CCNY: variants seen among roughly 807,000 people sequenced by gnomAD.
CCNY encodes cyclin-Y.
A neutral mutation model predicts 42.8 loss-of-function variants in CCNY; 19 were observed. The ratio of observed to expected loss-of-function variants is 0.44; its 90% confidence interval spans 0.31 to 0.65. The LOEUF is 0.65. Ranked by LOEUF, CCNY falls within the 30% of genes least tolerant of loss-of-function variation. CCNY has a pLI of 0.07. For missense variants in CCNY, 370 were observed against 437.3 expected, an observed-to-expected ratio of 0.85 and a Z score of 1.37; for synonymous variants, 165 against 162.7, an observed-to-expected ratio of 1.01 and a Z score of -0.11.
chr10:35,250,536 A>C lies in CCNY; in HGVS notation c.-99A>C, dbSNP rs538377800. On this transcript the variant is annotated 5_prime_UTR_variant, in exon 3 of 12. Coordinates refer to the CCNY transcript ENST00000374706. ...TCTCATTCTAGAACTGCCGGGTGAA[A>C]ATCTTTGGAAGAGAAGTTTGAGAAC... 26 of 152,364 alleles carry C rather than the reference A, an allele frequency of 1.7e-4. No homozygotes were observed. In the East Asian group the frequency reaches 1.9e-3, roughly 11 times the overall value. The allele number at this position is 152,364 out of a possible 1,614,324, so 9.4% of individuals were successfully genotyped here.
intron 1 of CCNY, among the ~76,000 whole-genome samples, chr10:35,367,318 A>G (rs894890803): frequency 2.0e-5 from 3 of 152,200 alleles, no homozygotes; most frequent in Admixed American, 1.3e-4. Context: ...GTGTTCCACC[A>G]TGCACTAGCT....
chr10:35,533,330 G>C (rs1383181016), intron 7 of CCNY, among the ~76,000 whole-genome samples: 1 of 152,064 alleles, frequency 6.6e-6, no homozygotes, highest in Admixed American at 6.6e-5. Context: ...CCTCTGTTCA[G>C]AACCTGTGGT....
intron 3 of CCNY, among the ~76,000 whole-genome samples, chr10:35,270,166 T>G (rs560827625): frequency 1.3e-5 from 2 of 152,126 alleles, no homozygotes; most frequent in Admixed American, 1.3e-4. Flanking sequence ...GAGCCCTTAC[T>G]CCAATTGCCC....
At position 35,336,585 on chromosome 10, in the gene CCNY, G is replaced by A. The variant is rs1451122384; in HGVS notation, c.-469G>A. ...CACGCCCGCTGCCCGCCCGCTCGTC[G>A]GCTAGTCCCGCCGTCCGGCGCGGAC... On this transcript the variant is annotated 5_prime_UTR_variant, in exon 1 of 10. Transcript: ENST00000374704. Among the ~76,000 whole-genome samples the A allele has an allele frequency of 1.3e-5, 2 of 148,594 alleles. No homozygotes were observed. Among genetic ancestry groups the A allele is most frequent in the Non-Finnish European group, 3.0e-5 (2 of 66,654 alleles).
intron 1 of CCNY, among the ~76,000 whole-genome samples, chr10:35,402,384 G>A (rs1238939730): frequency 1.3e-5 from 2 of 152,200 alleles, no homozygotes; most frequent in Non-Finnish European, 2.9e-5. Flanking sequence ...CAATTAGAAA[G>A]TGTCCAAAGG....
chr10:35,252,304 G>A (rs1336706653), intron 3 of CCNY, among the ~76,000 whole-genome samples: 1 of 152,092 alleles, frequency 6.6e-6, no homozygotes, highest in African/African-American at 2.4e-5. Flanking sequence ...GGTGGCTCAG[G>A]CCTGTAATCC....
intron 1 of CCNY, among the ~76,000 whole-genome samples, chr10:35,349,716 C>G (rs534397541): frequency 6.6e-6 from 1 of 152,246 alleles, no homozygotes; most frequent in South Asian, 2.1e-4. Context: ...CTATCCATTG[C>G]AGGATGTTTA....
intron 3 of CCNY, among the ~76,000 whole-genome samples, chr10:35,321,416 TA>T (rs1835820923): frequency 6.6e-6 from 1 of 152,156 alleles, no homozygotes; most frequent in African/African-American, 2.4e-5. Flanking sequence ...CTCACACCTA[TA>T]ATCCCAGCAC....
chr10:35,353,051 G>A (rs113153347), intron 1 of CCNY, among the ~76,000 whole-genome samples: 5 of 152,044 alleles, frequency 3.3e-5, no homozygotes, highest in African/African-American at 1.2e-4. Context: ...TTAGCCTCCC[G>A]AGTAGCTGGG....
chr10:35,344,206 A>G (rs1836248958), intron 1 of CCNY, among the ~76,000 whole-genome samples: 1 of 152,198 alleles, frequency 6.6e-6, no homozygotes, highest in Admixed American at 6.5e-5. Context: ...AGGAAGGTAA[A>G]GTCAGAGAAG....
At chr10:35,550,454 C>T (rs935594818) in intron 7 of CCNY, among the ~76,000 whole-genome samples, 32 of 152,150 alleles carry the variant, frequency 2.1e-4, no homozygotes, top group African/African-American at 7.5e-4. Flanking sequence ...GTTCTCCGTC[C>T]CCCTCTTCTG....
At chr10:35,516,725 A>C (rs1309779162) in intron 4 of CCNY, 102 bp downstream of exon 4, 1 of 700,490 alleles carries the variant, frequency 1.4e-6, no homozygotes, top group African/African-American at 2.2e-5. Context: ...TTAACCTGAC[A>C]GCTAAGCTGG....
chr10:35,360,714 T>C (rs1431334954), intron 1 of CCNY, among the ~76,000 whole-genome samples: 1 of 152,164 alleles, frequency 6.6e-6, no homozygotes, highest in Non-Finnish European at 1.5e-5. Context: ...TTTACATTAG[T>C]ATTTTAATAT....
chr10:35,295,275 A>T (rs1278659299), intron 3 of CCNY, among the ~76,000 whole-genome samples: 1 of 150,816 alleles, frequency 6.6e-6, no homozygotes, highest in Non-Finnish European at 1.5e-5. Context: ...CTTGTTGCCC[A>T]GGCTGGAGTG....
rs368903557 is a variant in CCNY, at chr10:35,530,087, C to T, written c.460-37C>T. ...TTAATTATTTCTCTTTTGCTCCAATCGGGAGATCAGTCATCTGAAAATATT... is the reference window on the plus strand; with the variant it reads ...TTAATTATTTCTCTTTTGCTCCAATTGGGAGATCAGTCATCTGAAAATATT... On this transcript the variant is annotated intron_variant, in intron 6 of 9. Coordinates refer to ENST00000374704, the MANE Select transcript of CCNY (RefSeq NM_145012.6). The surrounding 1 kb of genome is among the most constrained non-coding windows in gnomAD (Gnocchi z 4.3). The T allele has an allele frequency of 1.9e-4, 312 of 1,613,944 alleles. No homozygotes were observed. Among genetic ancestry groups the T allele is most frequent in the Non-Finnish European group, 2.5e-4 (290 of 1,179,974 alleles).
Position 35,494,916 on chromosome 10 carries a change from G to T in CCNY, c.230-6585G>T, listed in dbSNP as rs1197024684. ...TGTCTCTGGATTGTTGGATTAAACA[G>T]GTTGGGCCTCTCAAATTCAAAAATT... is the stretch of plus-strand genomic sequence containing the variant. On this transcript the variant is annotated intron_variant, in intron 2 of 9. Coordinates refer to ENST00000374704, the MANE Select transcript of CCNY (RefSeq NM_145012.6). Among the ~76,000 whole-genome samples the T allele has an allele frequency of 3.3e-5, 5 of 152,316 alleles. No individual in the cohort carries two copies. The East Asian group carries it at 9.6e-4, about 29-fold the overall frequency.
At chr10:35,534,722 T>A (rs1840844592) in intron 7 of CCNY, among the ~76,000 whole-genome samples, 1 of 151,978 alleles carries the variant, frequency 6.6e-6, no homozygotes, top group African/African-American at 2.4e-5. Context: ...GAGAAACCCC[T>A]TACCCTTTGG....
chr10:35,521,145 C>G (rs1249666948), intron 4 of CCNY, among the ~76,000 whole-genome samples: 1 of 152,192 alleles, frequency 6.6e-6, no homozygotes, highest in Non-Finnish European at 1.5e-5. Flanking sequence ...ATTTTGTTTT[C>G]TTGTGCAAGA....
chr10:35,486,583 G>A (rs114609801), intron 2 of CCNY, among the ~76,000 whole-genome samples: 28 of 152,276 alleles, frequency 1.8e-4, no homozygotes, highest in African/African-American at 5.3e-4. Context: ...AGGACTTCCC[G>A]TGAATCAGAT....
Sources: gnomAD v4.1 joint callset for allele counts (sites outside exome capture counted in the v4.1 genomes callset) on GRCh38, gnomAD v4.1.1 for gene constraint, Gnocchi (gnomAD v3.1) non-coding constraint, MANE v1.5 for transcripts, NCBI Gene and HGNC (gene_info 2026-07-23, HGNC 2026-07-21) for gene names.